NBAS: variants seen among roughly 807,000 people sequenced by gnomAD.
The protein encoded by NBAS is NAG/BC035112 fusion.
A neutral mutation model predicts 302.5 loss-of-function variants in NBAS; 219 were observed. That is an observed-to-expected ratio of 0.72 (90% confidence interval 0.65 to 0.81). The LOEUF (loss-of-function observed/expected upper bound fraction) is 0.81, where lower values mean the gene tolerates loss of function less well. Ranked by LOEUF, NBAS falls within the 30% of genes least tolerant of loss-of-function variation. The pLI, the probability that NBAS is intolerant of heterozygous loss-of-function variation, is 0.00. For synonymous variants in NBAS, 1,118 were observed against 1,021.6 expected (o/e 1.09, Z -1.80); for missense variants, 2,932 against 2,841.6 (o/e 1.03, Z -0.72).
the NBAS span, among the ~76,000 whole-genome samples, chr2:14,780,800 G>A: frequency 6.6e-6 from 1 of 152,152 alleles, no homozygotes; most frequent in Admixed American, 6.6e-5. Context: ...CTGCTTATGT[G>A]TTTTATACAT....
In NBAS at chr2:15,427,713, G is replaced by T; in HGVS notation, c.2421C>A (p.Cys807Ter). Residue 807 changes from cysteine to a stop codon, truncating the protein, a stop_gained and splice_region_variant, in exon 22 of 52, where the codon TGC (cysteine) becomes TGA (stop). Transcript: ENST00000281513. LOFTEE classifies it high-confidence loss of function. Reference sequence around the variant, plus strand: ...GCCTCCTGCAGGCTCATACTGACCTGCAAGCCAACTCCTCGCACCAATCTT... The same window carrying T: ...GCCTCCTGCAGGCTCATACTGACCTTCAAGCCAACTCCTCGCACCAATCTT... ...RAKDWCEELA[C>*]RMVVEPNLQD... The T allele has an allele frequency of 6.2e-7, 1 of 1,610,078 alleles. No individual in the cohort carries two copies. The highest frequency in any genetic ancestry group is 8.5e-7 in the Non-Finnish European group (1 of 1,177,704).
Position 15,292,554 on chromosome 2 carries a change from A to G in NBAS, c.5010T>C (p.Thr1670=). The G allele has an allele frequency of 6.2e-7, 1 of 1,614,240 alleles. No homozygotes were observed. The highest frequency in any genetic ancestry group is 8.5e-7 in the Non-Finnish European group (1 of 1,180,040). Residue 1670 remains threonine, a synonymous_variant, in exon 41 of 52, where the codon ACT becomes ACC. Coordinates refer to ENST00000281513, the MANE Select transcript of NBAS (RefSeq NM_015909.4). ...FTADDQYKRE[T]ILGLAETLEE... is the part of the protein sequence containing the mutation. ...TCACTTACTCTGCCAGACCAAGGAT[A>G]GTTTCCCTTTTATACTGGTCATCTG...
rs1279752647 is a variant in NBAS at position 15,196,019 on chromosome 2, A to G, written c.6433-5616T>C. On this transcript the variant is annotated intron_variant, in intron 48 of 51. Coordinates refer to ENST00000281513, the MANE Select transcript of NBAS (RefSeq NM_015909.4). The stretch of plus-strand genomic sequence containing the variant: ...TAAATCCCCAAGTCAAAGGTCAGAC[A>G]GGGCACTTGAATCTCTCAAGTTGCC... Among the ~76,000 whole-genome samples, 3 of 152,210 alleles carry G rather than the reference A, an allele frequency of 2.0e-5. No homozygotes were observed. The East Asian group carries it at 5.8e-4, about 29-fold the overall frequency.
the NBAS span, among the ~76,000 whole-genome samples, chr2:14,848,198 T>G: frequency 6.7e-6 from 1 of 150,028 alleles, no homozygotes; most frequent in Non-Finnish European, 1.5e-5. Context: ...TTCCAGAGAG[T>G]GGGCGCAGGA....
chr2:15,037,679 A>T, the NBAS span, among the ~76,000 whole-genome samples: 4 of 152,346 alleles, frequency 2.6e-5, no homozygotes, highest in East Asian at 7.7e-4. Flanking sequence ...GAATCTAGAA[A>T]ACAAGCCTTT....
the NBAS span, among the ~76,000 whole-genome samples, chr2:14,834,966 A>G: frequency 6.6e-6 from 1 of 152,124 alleles, no homozygotes; most frequent in Non-Finnish European, 1.5e-5. Context: ...AACAGATTAC[A>G]TACAAAGGAA....
chr2:14,902,629 T>G, the NBAS span, among the ~76,000 whole-genome samples: 2 of 152,132 alleles, frequency 1.3e-5, no homozygotes, highest in Non-Finnish European at 2.9e-5. Context: ...GCCTGGGAAT[T>G]TTGCTCATTG....
chr2:14,843,192 C>A, the NBAS span, among the ~76,000 whole-genome samples: 1 of 152,116 alleles, frequency 6.6e-6, no homozygotes, highest in Non-Finnish European at 1.5e-5. Flanking sequence ...CCATCTATGA[C>A]AAATCCACAG....
At chr2:15,403,038 G>C (rs1415417994) in intron 25 of NBAS, among the ~76,000 whole-genome samples, 1 of 149,764 alleles carries the variant, frequency 6.7e-6, no homozygotes, top group Non-Finnish European at 1.5e-5. Context: ...AATAAATACA[G>C]CAAAAAATCA....
chr2:15,279,016 A>G (rs780454886), intron 42 of NBAS, among the ~76,000 whole-genome samples: 12 of 152,200 alleles, frequency 7.9e-5, no homozygotes, highest in Non-Finnish European at 1.6e-4. Flanking sequence ...TCTGAAAGAC[A>G]GTGTACACAC....
At chr2:15,103,176 C>A in the NBAS span, among the ~76,000 whole-genome samples, 1 of 152,122 alleles carries the variant, frequency 6.6e-6, no homozygotes, top group Non-Finnish European at 1.5e-5. Context: ...GTTTTTAAGT[C>A]TCCCTCTGCA....
At chr2:15,347,669 G>A (rs1673158706) in intron 35 of NBAS, among the ~76,000 whole-genome samples, 1 of 152,064 alleles carries the variant, frequency 6.6e-6, no homozygotes, top group Non-Finnish European at 1.5e-5. Flanking sequence ...ACTCTAATTA[G>A]ATTTATCTAG....
intron 38 of NBAS, among the ~76,000 whole-genome samples, chr2:15,310,656 T>C (rs981312288): frequency 1.3e-4 from 19 of 151,998 alleles, no homozygotes; most frequent in Admixed American, 1.1e-3. Flanking sequence ...GGCATGGGGG[T>C]TCATGCCCGT....
chr2:15,312,118 G>A (rs1671304091), intron 38 of NBAS, among the ~76,000 whole-genome samples: 1 of 152,170 alleles, frequency 6.6e-6, no homozygotes, highest in Non-Finnish European at 1.5e-5. Context: ...AGGACACTGA[G>A]TTCTCCTGCA....
At chr2:15,102,378 C>T in the NBAS span, among the ~76,000 whole-genome samples, 3 of 152,210 alleles carry the variant, frequency 2.0e-5, no homozygotes, top group African/African-American at 7.2e-5. Flanking sequence ...CCCAGGACAG[C>T]TCTGCCTCAT....
chr2:15,202,602 C>T (rs763297457), intron 48 of NBAS, among the ~76,000 whole-genome samples: 5 of 152,048 alleles, frequency 3.3e-5, no homozygotes, highest in Admixed American at 2.0e-4. Context: ...TGCAATGGCA[C>T]GATCTTGGCT....
At chr2:15,177,162 T>C (rs975006845) in intron 51 of NBAS, among the ~76,000 whole-genome samples, 4 of 152,212 alleles carry the variant, frequency 2.6e-5, no homozygotes, top group African/African-American at 9.6e-5. Context: ...AGACGTTTCG[T>C]GCGCTATCAT....
the NBAS span, among the ~76,000 whole-genome samples, chr2:15,126,760 C>T: frequency 6.6e-6 from 1 of 152,178 alleles, no homozygotes; most frequent in East Asian, 1.9e-4. Flanking sequence ...GCACCAGCAA[C>T]ACTGCTATGA....
the NBAS span, among the ~76,000 whole-genome samples, chr2:14,847,503 A>G: frequency 6.7e-6 from 1 of 149,268 alleles, no homozygotes; most frequent in African/African-American, 2.6e-5. Context: ...TCAACAACAT[A>G]GATTTCAAAA....
Sources: allele counts gnomAD v4.1 joint callset (sites outside exome capture counted in the v4.1 genomes callset), GRCh38; gene constraint gnomAD v4.1.1; transcripts MANE v1.5; gene names NCBI Gene and HGNC (gene_info 2026-07-23, HGNC 2026-07-21).